The following COLGALT2 variants were observed in gnomAD, a reference collection of about 807,000 sequenced individuals.
COLGALT2 encodes the protein procollagen galactosyltransferase 2.
In COLGALT2, 49 loss-of-function variants were observed where a neutral mutation model predicts 73.4. The observed-to-expected ratio is 0.67, with a 90% CI of 0.53 to 0.85. COLGALT2 has a LOEUF of 0.85. Ranked by LOEUF, COLGALT2 falls within the 40% of genes least tolerant of loss-of-function variation. COLGALT2 has a pLI of 0.00. For synonymous variants in COLGALT2, 295 were observed against 307.6 expected (o/e 0.96, Z 0.43); for missense variants, 722 against 790.2 (o/e 0.91, Z 1.03).
chr1:183,929,973 T>C (rs1669804689), exon 12 of COLGALT2: 1 of 267,818 alleles, frequency 3.7e-6, no homozygotes, highest in Non-Finnish European at 7.5e-6. Flanking sequence ...GCTTCCATCT[T>C]GCAACTTCGC....
chr1:183,993,322 T>C (rs2102831783), intron 1 of COLGALT2, among the ~76,000 whole-genome samples: 1 of 152,320 alleles, frequency 6.6e-6, no homozygotes, highest in Non-Finnish European at 1.5e-5. Context: ...TGCAATCAGT[T>C]GCTTTGAAGG....
chr1:184,020,898 C>A (rs1036507868), intron 1 of COLGALT2, among the ~76,000 whole-genome samples: 1 of 152,102 alleles, frequency 6.6e-6, no homozygotes, highest in Non-Finnish European at 1.5e-5. Flanking sequence ...TGGTTGCAAG[C>A]CTTAGTTTCT....
Position 184,037,159 on chromosome 1 carries a change from T to G in COLGALT2, c.199A>C (p.Thr67Pro). The G allele has an allele frequency of 6.2e-7, 1 of 1,603,490 alleles. No homozygotes were observed. ...AGGCAGCCGAGGAAGTGCGGCAGCG[T>G]GTGCGCCGCGTTGCGGGCGAGGACC... ...VAVLARNAAHTLPHFLGCLER... is the reference protein window; with the variant it reads ...VAVLARNAAHPLPHFLGCLER... The change falls in exon 1 of 12, where the codon ACG (threonine) becomes CCG (proline). Residue 67 changes from threonine to proline, a missense_variant. Thr to Pro is a conservative substitution (Grantham distance 38). Transcript: ENST00000361927.
At chr1:183,980,579 A>C (rs1671321920) in intron 1 of COLGALT2, among the ~76,000 whole-genome samples, 1 of 152,122 alleles carries the variant, frequency 6.6e-6, no homozygotes, top group Non-Finnish European at 1.5e-5. Context: ...CAGGAAAAAA[A>C]CCCCAACTAG....
At chr1:184,002,107 T>G (rs909760123) in intron 1 of COLGALT2, among the ~76,000 whole-genome samples, 1 of 152,216 alleles carries the variant, frequency 6.6e-6, no homozygotes. Flanking sequence ...ACTAGACTAG[T>G]GGAAGTTTGG....
At chr1:183,952,248 A>C (rs1280896641) in intron 7 of COLGALT2, among the ~76,000 whole-genome samples, 1 of 152,230 alleles carries the variant, frequency 6.6e-6, no homozygotes, top group African/African-American at 2.4e-5. Flanking sequence ...TTTAACTGCC[A>C]GTGAGAAATG....
intron 1 of COLGALT2, among the ~76,000 whole-genome samples, chr1:183,998,751 T>C (rs1671837966): frequency 6.6e-6 from 1 of 152,092 alleles, no homozygotes. Flanking sequence ...TTAATAAAGT[T>C]TCAGAATTTT....
rs748653439 is a variant in COLGALT2, at chr1:183,938,862, T to C, written c.1780A>G (p.Lys594Glu). ...TAGATGCGGCTTTGCTTCCGGGACT[T>C]CCAGGCATGTGTCCTATCCCAGTCG... Reference protein sequence around the residue: ...ATDWDRTHAWKSRKQSRIYSN... With the variant: ...ATDWDRTHAWESRKQSRIYSN... The change falls in exon 12 of 12, where the codon AAG (lysine) becomes GAG (glutamate). Residue 594 changes from lysine (K) to glutamate (E), a missense_variant. Transcript: ENST00000361927. The C allele has an allele frequency of 1.2e-5, 19 of 1,614,036 alleles. No individual in the cohort carries two copies. In the South Asian group the frequency reaches 2.1e-4, roughly 18 times the overall value.
intron 1 of COLGALT2, among the ~76,000 whole-genome samples, chr1:183,985,694 G>A (rs1439954228): frequency 1.3e-5 from 2 of 152,194 alleles, no homozygotes; most frequent in African/African-American, 4.8e-5. Context: ...GCGATTGGTG[G>A]AGTAGCAGGA....
At chr1:183,987,990 C>A (rs1054645254) in intron 1 of COLGALT2, among the ~76,000 whole-genome samples, 7 of 152,146 alleles carry the variant, frequency 4.6e-5, no homozygotes, top group African/African-American at 1.7e-4. Flanking sequence ...ACATAAAAAA[C>A]ACATTATTTC....
At chr1:184,018,214 G>T (rs1472463283) in intron 1 of COLGALT2, among the ~76,000 whole-genome samples, 7 of 152,006 alleles carry the variant, frequency 4.6e-5, no homozygotes, top group African/African-American at 7.3e-5. Flanking sequence ...AGGCTGCAGT[G>T]GGCTACGATC....
intron 11 of COLGALT2, among the ~76,000 whole-genome samples, chr1:183,930,590 T>G (rs1485316537): frequency 5.3e-5 from 7 of 131,954 alleles, no homozygotes; most frequent in African/African-American, 1.9e-4. Flanking sequence ...TTTTTTTTTT[T>G]GTATTTTTTA....
intron 1 of COLGALT2, among the ~76,000 whole-genome samples, chr1:184,000,620 T>A (rs1318961195): frequency 1.3e-5 from 2 of 151,948 alleles, no homozygotes. Context: ...GTGTTTAACA[T>A]TTTCTTTGTT....
At chr1:184,016,110 A>G (rs1648993551) in intron 1 of COLGALT2, among the ~76,000 whole-genome samples, 1 of 152,254 alleles carries the variant, frequency 6.6e-6, no homozygotes, top group Non-Finnish European at 1.5e-5. Flanking sequence ...TTCATGCACT[A>G]TAACCCTTAG....
chr1:183,944,240 C>A lies in COLGALT2; in HGVS notation c.1353G>T (p.Lys451Asn). ...FEHQFKKKLM[K>N]LMDNIDQAQL... ...GAGCCTGGTCAATGTTATCCATCAG[C>A]TTCATCAGCTTCTTCTTAAACTGAT... Residue 451 changes from lysine to asparagine, a missense_variant, in exon 10 of 12, where the codon AAG becomes AAT. Transcript: ENST00000361927. The A allele has an allele frequency of 6.2e-7, 1 of 1,614,026 alleles. No homozygotes were observed. Among genetic ancestry groups the A allele is most frequent in the Non-Finnish European group, 8.5e-7 (1 of 1,179,962 alleles).
chr1:184,026,754 C>T (rs939297197), intron 1 of COLGALT2, among the ~76,000 whole-genome samples: 5 of 152,084 alleles, frequency 3.3e-5, no homozygotes, highest in African/African-American at 9.7e-5. Context: ...CGGGAAAAAT[C>T]TAAGAAAATT....
At chr1:183,932,499 C>T (rs1288256592), downstream of COLGALT2, among the ~76,000 whole-genome samples, 1 of 152,060 alleles carries the variant, frequency 6.6e-6, no homozygotes, top group Non-Finnish European at 1.5e-5. Context: ...GCCAAATGGT[C>T]CAGACGTGAA....
At chr1:184,018,722 G>A (rs2102853251) in intron 1 of COLGALT2, among the ~76,000 whole-genome samples, 1 of 152,250 alleles carries the variant, frequency 6.6e-6, no homozygotes, top group East Asian at 1.9e-4. Context: ...GTATTTTAGA[G>A]TCAAATTTGA....
intron 1 of COLGALT2, among the ~76,000 whole-genome samples, chr1:184,012,149 C>G (rs1314577300): frequency 6.6e-6 from 1 of 152,166 alleles, no homozygotes; most frequent in Non-Finnish European, 1.5e-5. Context: ...GGTCCACAAC[C>G]CTGCATTTCT....
Sources: gnomAD v4.1 joint callset for allele counts (sites outside exome capture counted in the v4.1 genomes callset) on GRCh38, gnomAD v4.1.1 for gene constraint, MANE v1.5 for transcripts, NCBI Gene and HGNC (gene_info 2026-07-23, HGNC 2026-07-21) for gene names.